The following JAKMIP3 variants were observed in gnomAD, a reference collection of about 807,000 sequenced individuals.
The protein encoded by JAKMIP3 is janus kinase and microtubule-interacting protein 3.
Under a neutral mutation model 118.5 loss-of-function variants are expected in JAKMIP3, and 58 were observed. The ratio of observed to expected loss-of-function variants is 0.49; its 90% CI spans 0.40 to 0.61. The LOEUF (loss-of-function observed/expected upper bound fraction) is 0.61. Among genes scored for constraint, JAKMIP3 ranks in the 20% least tolerant of loss-of-function variants. The pLI, the probability that JAKMIP3 is intolerant of heterozygous loss-of-function variation, is 0.00. For missense variants in JAKMIP3, 950 were observed against 1,109.0 expected (o/e 0.86, Z 2.04); for synonymous variants, 486 against 451.2 (o/e 1.08, Z -0.98).
At chr10:132,139,166 ATG>A (rs1162943631) in intron 9 of JAKMIP3, among the ~76,000 whole-genome samples, 1 of 128,638 alleles carries the variant, frequency 7.8e-6, no homozygotes, top group Non-Finnish European at 1.6e-5. Flanking sequence ...GTGTATGTAC[ATG>A]TGTGTATGTG....
chr10:132,098,733 C>A (rs963906511), intron 1 of JAKMIP3, among the ~76,000 whole-genome samples: 1 of 152,214 alleles, frequency 6.6e-6, no homozygotes, highest in African/African-American at 2.4e-5. Context: ...TGGTCTTTAC[C>A]GTGACCTCTG....
At chr10:132,071,784 T>TTTCC (rs1051207544) in intron 1 of JAKMIP3, among the ~76,000 whole-genome samples, 2 of 151,950 alleles carry the variant, frequency 1.3e-5, no homozygotes, top group South Asian at 2.1e-4. Flanking sequence ...TTTTTCTTTC[T>TTTCC]TTCCTTCCTT....
At chr10:132,182,183 C>T (rs552351779) in intron 23 of JAKMIP3, among the ~76,000 whole-genome samples, 174 bp from the exon 24 acceptor site, 2 of 152,300 alleles carry the variant, frequency 1.3e-5, no homozygotes, top group Admixed American at 6.5e-5. Flanking sequence ...CAGGACGTGG[C>T]GCTGTAGCTG....
intron 5 of JAKMIP3, among the ~76,000 whole-genome samples, chr10:132,135,566 C>T (rs1057227054): frequency 6.6e-6 from 1 of 152,256 alleles, no homozygotes; most frequent in Non-Finnish European, 1.5e-5. Flanking sequence ...GGTTTTACCA[C>T]AGCCCTTCTT....
rs2137451378 is a variant in JAKMIP3 at position 132,183,615 on chromosome 10, A to G, written c.*2362A>G. The G allele has an allele frequency of 6.6e-6, 1 of 152,378 alleles. No individual in the cohort carries two copies. Among genetic ancestry groups the G allele is most frequent in the South Asian group, 2.1e-4 (1 of 4,832 alleles). The allele number at this position is 152,378 out of a possible 1,614,324, so 9.4% of individuals were successfully genotyped here. ...AAAGTATGTATATAGGAACGGGAGA[A>G]GGTGCAAGGAATGTGCTGAATAACA... is the stretch of plus-strand genomic sequence containing the variant. On this transcript the variant is annotated 3_prime_UTR_variant, in exon 24 of 24. Transcript: ENST00000684848.
At chr10:132,152,302 T>G (rs1049136504) in intron 16 of JAKMIP3, among the ~76,000 whole-genome samples, 2 of 151,702 alleles carry the variant, frequency 1.3e-5, no homozygotes, top group African/African-American at 4.8e-5. Flanking sequence ...GCTTTTGGAG[T>G]GAGCTGGCAA....
At chr10:132,050,562 A>G (rs1303821112) in intron 1 of JAKMIP3, among the ~76,000 whole-genome samples, 4 of 152,202 alleles carry the variant, frequency 2.6e-5, no homozygotes, top group African/African-American at 4.8e-5. Flanking sequence ...TCTTCAAGTC[A>G]TGCCAAGGGT....
rs537378301 is a variant in JAKMIP3, at chr10:132,139,865, A to T, written c.1345-586A>T. 2.6e-5 allele frequency among the ~76,000 whole-genome samples: 4 copies of T among 152,244 alleles called. 1 individual carries two copies. The highest frequency in any genetic ancestry group is 6.5e-5 in the Admixed American group (1 of 15,300). On this transcript the variant is annotated intron_variant, in intron 9 of 23. Coordinates refer to ENST00000684848, the MANE Select transcript of JAKMIP3 (RefSeq NM_001323087.2). The stretch of plus-strand genomic sequence containing the variant: ...TGGCCACGGCAGAAGGGACTGAAGA[A>T]GATGGCGGGCTTTCCATTTTGTAAC...
In JAKMIP3 at chr10:132,142,036, G is replaced by T. The variant is rs1219184611; in HGVS notation, c.1590G>T (p.Glu530Asp). The T allele has an allele frequency of 6.2e-7, 1 of 1,606,270 alleles. No individual in the cohort carries two copies. Among genetic ancestry groups the T allele is most frequent in the Non-Finnish European group, 8.5e-7 (1 of 1,177,314 alleles). The part of the protein sequence containing the change: ...QEQVGGTLDA[E>D]REVKTREQLQ... ...AGGTTGGAGGGACGCTGGACGCAGAGCGAGAAGTTAAGGTCTACGTGACTT... is the reference window on the plus strand; with the variant it reads ...AGGTTGGAGGGACGCTGGACGCAGATCGAGAAGTTAAGGTCTACGTGACTT... Residue 530 changes from glutamate to aspartate, a missense_variant, in exon 11 of 24, where the codon GAG becomes GAT. Physicochemically the swap from Glu to Asp is conservative, Grantham distance 45. Coordinates refer to ENST00000684848, the MANE Select transcript of JAKMIP3 (RefSeq NM_001323087.2).
At chr10:132,176,647 A>G (rs941630437) in intron 23 of JAKMIP3, among the ~76,000 whole-genome samples, 2 of 152,092 alleles carry the variant, frequency 1.3e-5, no homozygotes, top group African/African-American at 4.8e-5. Flanking sequence ...CAGACTCTTT[A>G]ATTGTGTTTG....
At chr10:132,082,893 C>G (rs950623636) in intron 1 of JAKMIP3, among the ~76,000 whole-genome samples, 2 of 152,262 alleles carry the variant, frequency 1.3e-5, no homozygotes, top group Non-Finnish European at 2.9e-5. Flanking sequence ...CAGGCGTGAA[C>G]CACCGCGCCC....
intron 1 of JAKMIP3, among the ~76,000 whole-genome samples, chr10:132,080,999 C>T (rs1006950488): frequency 6.6e-6 from 1 of 152,190 alleles, no homozygotes; most frequent in Non-Finnish European, 1.5e-5. Flanking sequence ...TGCCTCTGCA[C>T]TGATGTCATA....
intron 23 of JAKMIP3, among the ~76,000 whole-genome samples, chr10:132,169,265 C>T (rs940640673): frequency 2.1e-4 from 32 of 152,278 alleles, no homozygotes; most frequent in African/African-American, 5.5e-4. Context: ...TGGTGCTCCA[C>T]GGGGACCTGG....
chr10:132,164,538 G>A, intron 20 of JAKMIP3, 132 bp from the exon 21 acceptor site: 1 of 656,220 alleles, frequency 1.5e-6, no homozygotes, highest in South Asian at 1.9e-5. Context: ...GTCCTCGTCA[G>A]GAGCCACGGG....
At chr10:132,096,084 G>A (rs2043822354) in intron 1 of JAKMIP3, among the ~76,000 whole-genome samples, 1 of 152,196 alleles carries the variant, frequency 6.6e-6, no homozygotes, top group Non-Finnish European at 1.5e-5. Flanking sequence ...AGAGCTGGGG[G>A]ATCTGGCCAG....
intron 1 of JAKMIP3, among the ~76,000 whole-genome samples, chr10:132,074,538 T>C (rs2040474035): frequency 1.3e-5 from 2 of 152,230 alleles, no homozygotes; most frequent in Non-Finnish European, 1.5e-5. Flanking sequence ...ATGGGTTTTT[T>C]TCTGGTTGAG....
chr10:132,170,531 C>A (rs1042481135), intron 23 of JAKMIP3, among the ~76,000 whole-genome samples: 1 of 152,174 alleles, frequency 6.6e-6, no homozygotes, highest in Non-Finnish European at 1.5e-5. Context: ...AGCAAGGCCC[C>A]CCACAGCTGC....
At chr10:132,155,029 ATGATGG>A (rs2056888970) in intron 19 of JAKMIP3, among the ~76,000 whole-genome samples, 29 of 146,054 alleles carry the variant, frequency 2.0e-4, no homozygotes, top group South Asian at 2.3e-4. Flanking sequence ...TATGGTGATG[ATGATGG>A]CAATGATCAT....
chr10:132,069,638 T>G (rs1206949595), intron 1 of JAKMIP3, among the ~76,000 whole-genome samples: 3 of 152,162 alleles, frequency 2.0e-5, no homozygotes, highest in Non-Finnish European at 4.4e-5. Flanking sequence ...CATGTCCATT[T>G]CAGAGTTTCA....
Sources: allele counts gnomAD v4.1 joint callset (sites outside exome capture counted in the v4.1 genomes callset), GRCh38; gene constraint gnomAD v4.1.1; transcripts MANE v1.5; gene names NCBI Gene and HGNC (gene_info 2026-07-23, HGNC 2026-07-21).